Variants in TEX11 observed in about 807,000 individuals in gnomAD.
TEX11 encodes testis-expressed protein 11.
Under a neutral mutation model 84.4 loss-of-function variants are expected in TEX11, and 7 were observed. The ratio of observed to expected loss-of-function variants is 0.08; its 90% CI spans 0.05 to 0.16. The LOEUF is 0.16. Ranked by LOEUF, TEX11 falls within the 10% of genes least tolerant of loss-of-function variation. The pLI is 1.00. For synonymous variants in TEX11, 264 were observed against 222.8 expected (o/e 1.18, Z -1.64); for missense variants, 551 against 660.5 (o/e 0.83, Z 1.82).
At chrX:70,696,779 GAACA>G (rs3992939) in intron 13 of TEX11, among the ~76,000 whole-genome samples, 7,388 of 110,151 alleles carry the variant, frequency 0.067, 550 homozygotes, top group African/African-American at 0.21. Flanking sequence ...AAAAACAAAC[GAACA>G]AACAAACAAA....
At chrX:70,907,556 A>G (rs1229074361) in intron 2 of TEX11, among the ~76,000 whole-genome samples, 197 bp downstream of exon 2, 2 of 111,393 alleles carry the variant, frequency 1.8e-5, no homozygotes, top group Non-Finnish European at 3.8e-5. Context: ...ACCACGCCCA[A>G]CTAATTTTTG....
chrX:70,688,376 G>A (rs761247577), intron 13 of TEX11, among the ~76,000 whole-genome samples: 1 of 111,526 alleles, frequency 9.0e-6, no homozygotes, highest in African/African-American at 3.3e-5. Context: ...AACACAGGAA[G>A]CAACCAAGAT....
At chrX:70,515,963 G>C in the TEX11 span, among the ~76,000 whole-genome samples, 3 of 112,038 alleles carry the variant, frequency 2.7e-5, no homozygotes, top group Non-Finnish European at 3.8e-5. Flanking sequence ...CTTGTTGATG[G>C]AGTTGTTTGA....
At chrX:70,782,645 CAAAAAAAAAAAAAA>C (rs780011355) in intron 9 of TEX11, among the ~76,000 whole-genome samples, 3 of 28,902 alleles carry the variant, frequency 1.0e-4, no homozygotes, top group East Asian at 1.9e-3. Context: ...AAATGGAAAG[CAAAAAAAAAAAAAA>C]AAAAAAACAG....
At chrX:70,801,649 CT>C (rs1156264673) in intron 9 of TEX11, among the ~76,000 whole-genome samples, 1 of 43,619 alleles carries the variant, frequency 2.3e-5, no homozygotes, top group Non-Finnish European at 5.2e-5. Context: ...TTCTTTCTTT[CT>C]TTCTTTCTTT....
chrX:70,584,924 A>G (rs1415976730), intron 25 of TEX11, among the ~76,000 whole-genome samples: 1 of 112,144 alleles, frequency 8.9e-6, no homozygotes, highest in Non-Finnish European at 1.9e-5. Flanking sequence ...TTATACTCAA[A>G]GGTGGAAGCT....
At chrX:70,610,369 G>A in intron 21 of TEX11, 134 bp downstream of exon 21, 1 of 554,667 alleles carries the variant, frequency 1.8e-6, no homozygotes, top group Middle Eastern at 3.6e-4. Context: ...ATAGATTCCT[G>A]TGGCAAAGAT....
At position 70,571,827 on chromosome X, in the gene TEX11, C is replaced by T. The variant is rs182121508; in HGVS notation, c.2141-17027G>A. Among the ~76,000 whole-genome samples, 402 of 110,387 alleles carry T rather than the reference C, an allele frequency of 3.6e-3. 3 individuals are homozygous for T. Among genetic ancestry groups the T allele is most frequent in the African/African-American group, 0.013 (381 of 30,438 alleles). On this transcript the variant is annotated intron_variant, in intron 25 of 29. Coordinates refer to ENST00000374333, the MANE Select transcript of TEX11 (RefSeq NM_031276.3). ...ATGTATTGTGATATATATATATAAT[C>T]AGTTAGTGGTGGACTGAAGTTTAAA...
chrX:70,661,432 A>G (rs1309896191), intron 16 of TEX11, among the ~76,000 whole-genome samples: 1 of 112,627 alleles, frequency 8.9e-6, no homozygotes, highest in Non-Finnish European at 1.9e-5. Flanking sequence ...CTGCCTCTGT[A>G]GACTCCACCT....
At chrX:70,514,938 C>T in the TEX11 span, among the ~76,000 whole-genome samples, 3 of 107,975 alleles carry the variant, frequency 2.8e-5, no homozygotes, top group Non-Finnish European at 3.8e-5. Context: ...CGTGGTGGGA[C>T]GCGCCTGTAA....
rs779394313 is a variant in TEX11, at chrX:70,545,120, G to A, written c.2520+7006C>T. ...TTTGGGAGGCTGAAGCAGGAAAACT[G>A]CTTGAACCCGGGAGGCAGATGTTGC... is the stretch of plus-strand genomic sequence containing the variant. On this transcript the variant is annotated intron_variant, in intron 28 of 29. Transcript: ENST00000374333. Among the ~76,000 whole-genome samples the A allele has an allele frequency of 2.8e-5, 3 of 107,741 alleles. No individual in the cohort carries two copies. The East Asian group carries it at 9.0e-4, about 32-fold the overall frequency. The allele number at this position is 107,741 out of a possible 115,157, so 93.6% of individuals were successfully genotyped here. A position where few individuals can be genotyped will look rare whatever the true frequency, so the allele number is the denominator to read the frequency against.
At chrX:70,623,036 T>C (rs190861626) in intron 20 of TEX11, among the ~76,000 whole-genome samples, 160 of 112,363 alleles carry the variant, frequency 1.4e-3, no homozygotes, top group African/African-American at 5.1e-3. Context: ...AATGGATTTA[T>C]GAAGCCTATA....
At chrX:70,526,069 G>A (rs1402718554), downstream of TEX11, among the ~76,000 whole-genome samples, 1 of 111,760 alleles carries the variant, frequency 8.9e-6, no homozygotes, top group Admixed American at 9.5e-5. Flanking sequence ...CTGGGGCTTG[G>A]GCCAAAGGGG....
intron 17 of TEX11, among the ~76,000 whole-genome samples, chrX:70,643,309 T>G (rs1173516480): frequency 9.7e-6 from 1 of 102,622 alleles, no homozygotes; most frequent in African/African-American, 3.6e-5. Context: ...TGCTCATGGG[T>G]AGGAAGAATC....
chrX:70,817,386 A>G (rs1401487791), intron 8 of TEX11, among the ~76,000 whole-genome samples: 1 of 111,240 alleles, frequency 9.0e-6, no homozygotes, highest in Non-Finnish European at 1.9e-5. Context: ...AAGATTTTCT[A>G]CTAAAATAAA....
At chrX:70,778,649 G>C (rs866259348) in intron 9 of TEX11, among the ~76,000 whole-genome samples, 2 of 106,937 alleles carry the variant, frequency 1.9e-5, no homozygotes, top group East Asian at 7.1e-4. Context: ...GTTTGTTTTT[G>C]TTTTTTGTTT....
intron 9 of TEX11, among the ~76,000 whole-genome samples, chrX:70,752,999 G>A (rs180830781): frequency 1.8e-5 from 2 of 110,235 alleles, no homozygotes; most frequent in Admixed American, 9.7e-5. Flanking sequence ...GCCCGTGGAG[G>A]GGGTGTTTAA....
chrX:70,869,404 C>T (rs1191279832), intron 4 of TEX11, among the ~76,000 whole-genome samples: 4 of 110,931 alleles, frequency 3.6e-5, no homozygotes, highest in Non-Finnish European at 7.5e-5. Context: ...AAAAGTCTGT[C>T]TACTAGCTCT....
intron 20 of TEX11, among the ~76,000 whole-genome samples, chrX:70,614,221 T>C (rs73220865): frequency 0.13 from 13,974 of 108,605 alleles, 708 homozygotes; most frequent in Middle Eastern, 0.2. Flanking sequence ...CACAGTAGGG[T>C]AGAGCATCAA....
Sources: allele counts gnomAD v4.1 joint callset (sites outside exome capture counted in the v4.1 genomes callset), GRCh38; gene constraint gnomAD v4.1.1; transcripts MANE v1.5; gene names NCBI Gene and HGNC (gene_info 2026-07-23, HGNC 2026-07-21).